YTHDF2: variants seen among roughly 807,000 people sequenced by gnomAD.
YTHDF2 encodes the protein YTH domain-containing family protein 2.
In YTHDF2, 2 loss-of-function variants were observed where a neutral mutation model predicts 50.4. The ratio of observed to expected loss-of-function variants is 0.04; its 90% CI spans 0.02 to 0.12. The LOEUF (loss-of-function observed/expected upper bound fraction) is 0.12, where lower values mean the gene tolerates loss of function less well. YTHDF2 is among the 10% of genes least tolerant of loss of function. The probability of loss-of-function intolerance (pLI) is 1.00; values close to 1 mark genes in which losing one functional copy is unlikely to be tolerated. For missense variants in YTHDF2, 483 were observed against 722.6 expected (o/e 0.67, Z 3.80); for synonymous variants, 217 against 255.6 (o/e 0.85, Z 1.44).
At chr1:28,765,133 C>A (rs1313007954) in intron 4 of YTHDF2, among the ~76,000 whole-genome samples, 1 of 151,994 alleles carries the variant, frequency 6.6e-6, no homozygotes, top group African/African-American at 2.4e-5. Flanking sequence ...TCCCCAGCAG[C>A]TGGGACTATA....
intron 4 of YTHDF2, among the ~76,000 whole-genome samples, chr1:28,767,396 A>G (rs2124214706): frequency 6.6e-6 from 1 of 152,304 alleles, no homozygotes; most frequent in African/African-American, 2.4e-5. Context: ...TCTATAGTCT[A>G]AGTTTCTAAT....
chr1:28,739,379 A>G (rs1189346114), intron 3 of YTHDF2, among the ~76,000 whole-genome samples: 2 of 150,736 alleles, frequency 1.3e-5, no homozygotes, highest in Admixed American at 6.6e-5. Context: ...CAGTGGTGCA[A>G]TCTCGGCTCA....
At chr1:28,737,195 A>G (rs768367781) in intron 1 of YTHDF2, 48 bp downstream of exon 1, 3 of 1,528,288 alleles carry the variant, frequency 2.0e-6, no homozygotes, top group East Asian at 5.2e-5. Context: ...GGCGAGAAGG[A>G]GCCCGACTAG....
intron 4 of YTHDF2, among the ~76,000 whole-genome samples, chr1:28,763,690 G>C (rs2088168461): frequency 6.6e-6 from 1 of 151,258 alleles, no homozygotes; most frequent in Non-Finnish European, 1.5e-5. Context: ...CTCCTGACCT[G>C]GTGATCCGCC....
chr1:28,759,141 A>G (rs746354847), intron 4 of YTHDF2, among the ~76,000 whole-genome samples: 1 of 152,140 alleles, frequency 6.6e-6, no homozygotes, highest in Non-Finnish European at 1.5e-5. Flanking sequence ...AGGCCTTGGA[A>G]TCTGCATTTT....
intron 4 of YTHDF2, among the ~76,000 whole-genome samples, chr1:28,750,963 C>T (rs893344867): frequency 1.3e-5 from 2 of 151,398 alleles, no homozygotes; most frequent in African/African-American, 2.4e-5. Flanking sequence ...CGTGGTGGCT[C>T]GTGCCTGTAA....
chr1:28,741,828 A>G (rs12736408), intron 3 of YTHDF2, among the ~76,000 whole-genome samples: 70,539 of 151,960 alleles, frequency 0.46, 16,969 homozygotes, highest in East Asian at 0.77. Flanking sequence ...CCTGGTTTGT[A>G]TAGGAAGTTG....
At chr1:28,739,126 A>C in intron 3 of YTHDF2, 1 of 152,266 alleles carries the variant, frequency 6.6e-6, no homozygotes. Context: ...AGAAGTTTGA[A>C]GCTGCAGTGA....
Position 28,737,596 on chromosome 1 carries a change from TCTTC to T in YTHDF2, c.28-58_28-55del. 1.9e-6 allele frequency: 3 copies of T among 1,611,866 alleles called. No individual in the cohort carries two copies. In the South Asian group the frequency reaches 3.3e-5, roughly 18 times the overall value. ...CCCTTCGGGCCCTGCCTTAATTTGTTCTTCCTTTTCCATTTCTCCTTTGGACAAC... is the reference window on the plus strand; with the variant it reads ...CCCTTCGGGCCCTGCCTTAATTTGTTCTTTTCCATTTCTCCTTTGGACAAC... On this transcript the variant is annotated intron_variant, in intron 1 of 4. Coordinates refer to ENST00000373812, the MANE Select transcript of YTHDF2 (RefSeq NM_016258.3).
intron 3 of YTHDF2, 80 bp from the exon 4 acceptor site, chr1:28,742,323 A>G: frequency 2.7e-6 from 4 of 1,492,584 alleles, no homozygotes; most frequent in Non-Finnish European, 3.6e-6. Context: ...GTATATTTGA[A>G]TTGCGTGACT....
chr1:28,764,437 A>G lies in YTHDF2; in HGVS notation c.1717-4492A>G, dbSNP rs2088186863. ...AGGCGCCCACCACCACGCCCGGCTAATTTTTTTTTTGTTTTTTTTAGTAGT... is the reference window on the plus strand; with the variant it reads ...AGGCGCCCACCACCACGCCCGGCTAGTTTTTTTTTTGTTTTTTTTAGTAGT... On this transcript the variant is annotated intron_variant, in intron 4 of 4. Transcript: ENST00000373812. Among the ~76,000 whole-genome samples, 3 of 146,898 alleles carry G rather than the reference A, an allele frequency of 2.0e-5. No individual in the cohort carries two copies. The South Asian group carries it at 6.5e-4, about 32-fold the overall frequency.
At position 28,743,323 on chromosome 1, in the gene YTHDF2, G is replaced by T; in HGVS notation, c.1053G>T (p.Trp351Cys). 1 of 1,614,122 alleles carries T rather than the reference G, an allele frequency of 6.2e-7. No individual in the cohort carries two copies. The highest frequency in any genetic ancestry group is 2.2e-5 in the East Asian group (1 of 44,872). ...VQQQAAQPTR[W>C]VAPRNRGSGF... ...AACAGGCAGCTCAGCCAACCCGCTG[G>T]GTAGCACCTCGGAACCGTGGCAGTG... The change falls in exon 4 of 5, where the codon TGG becomes TGT. Residue 351 changes from tryptophan (W) to cysteine (C), a missense_variant. Around this residue, in one of 4 missense-constraint regions of YTHDF2, gnomAD observed 385 missense variants for 475.8 expected, o/e 0.81. Coordinates refer to ENST00000373812, the MANE Select transcript of YTHDF2 (RefSeq NM_016258.3). This position sits in a 1 kb window ranked among gnomAD's most constrained non-coding sequence, Gnocchi z 6.9.
At chr1:28,758,722 G>T (rs2088070499) in intron 4 of YTHDF2, among the ~76,000 whole-genome samples, 1 of 152,156 alleles carries the variant, frequency 6.6e-6, no homozygotes, top group African/African-American at 2.4e-5. Flanking sequence ...CCTCACTTTG[G>T]TGGCAGAGCT....
At chr1:28,759,255 A>T (rs894746269) in intron 4 of YTHDF2, among the ~76,000 whole-genome samples, 2 of 152,190 alleles carry the variant, frequency 1.3e-5, no homozygotes, top group African/African-American at 4.8e-5. Flanking sequence ...ATAAATATAT[A>T]GGTACTGGAA....
In YTHDF2 at chr1:28,743,107, T is replaced by C. The variant is rs1429817232; in HGVS notation, c.837T>C (p.Asp279=). Residue 279 remains aspartate (D), a synonymous_variant, in exon 4 of 5, where the codon GAT becomes GAC. Transcript: ENST00000373812. This position sits in a 1 kb window ranked among gnomAD's most constrained non-coding sequence, Gnocchi z 6.9. ...ATAACATGGATATTGGAACTTGGGATAACAAGGGTCCCGTTGCAAAAGCCC... is the reference window on the plus strand; with the variant it reads ...ATAACATGGATATTGGAACTTGGGACAACAAGGGTCCCGTTGCAAAAGCCC... The part of the protein sequence containing the change: ...IKHNMDIGTW[D]NKGPVAKAPS... 6.2e-7 allele frequency: 1 copy of C among 1,614,176 alleles called. No homozygotes were observed. The highest frequency in any genetic ancestry group is 2.2e-5 in the East Asian group (1 of 44,890).
intron 4 of YTHDF2, among the ~76,000 whole-genome samples, chr1:28,767,790 G>A (rs1022713546): frequency 8.0e-4 from 4 of 5,004 alleles, no homozygotes; most frequent in African/African-American, 9.9e-4. Flanking sequence ...CTACAGGCGC[G>A]TGCCACCACG....
intron 4 of YTHDF2, among the ~76,000 whole-genome samples, chr1:28,761,091 A>G (rs1229279327): frequency 7.2e-6 from 1 of 139,456 alleles, no homozygotes; most frequent in Non-Finnish European, 1.5e-5. Context: ...CTGAAATGTC[A>G]TTATATCGTG....
chr1:28,742,623 G>A lies in YTHDF2; in HGVS notation c.353G>A (p.Gly118Asp). The change falls in exon 4 of 5, where the codon GGT (glycine) becomes GAT (aspartate). Residue 118 changes from glycine (G) to aspartate (D), a missense_variant. Physicochemically the swap from Gly to Asp is moderately conservative, Grantham distance 94 (BLOSUM62 -1). Around this residue, in one of 4 missense-constraint regions of YTHDF2, gnomAD observed 385 missense variants for 475.8 expected, o/e 0.81. Coordinates refer to ENST00000373812, the MANE Select transcript of YTHDF2 (RefSeq NM_016258.3). ...GCCCTAGGTAGCACTCCATTTCTTG[G>A]TCAGCATGGTTTTAATTTCTTTCCC... Reference protein sequence around the residue: ...PGALGSTPFLGQHGFNFFPSG... With the variant: ...PGALGSTPFLDQHGFNFFPSG... The A allele has an allele frequency of 6.2e-7, 1 of 1,614,066 alleles. No individual in the cohort carries two copies. The highest frequency in any genetic ancestry group is 8.5e-7 in the Non-Finnish European group (1 of 1,179,982).
At chr1:28,738,418 TC>T in intron 3 of YTHDF2, 80 bp downstream of exon 3, 1 of 1,214,614 alleles carries the variant, frequency 8.2e-7, no homozygotes, top group Middle Eastern at 2.0e-4. Flanking sequence ...AATCCCATTT[TC>T]TGAGGATTCA....
Sources: gnomAD v4.1 joint callset for allele counts (sites outside exome capture counted in the v4.1 genomes callset) on GRCh38, gnomAD v4.1.1 for gene constraint, gnomAD v4.1.1 regional missense constraint, Gnocchi (gnomAD v3.1) non-coding constraint, MANE v1.5 for transcripts, NCBI Gene and HGNC (gene_info 2026-07-23, HGNC 2026-07-21) for gene names.